Variants in MALRD1 observed in about 807,000 individuals in gnomAD.
MALRD1 encodes MAM and LDL receptor class A domain containing 1, also known as MAM and LDL-receptor class A domain-containing protein 1.
A neutral mutation model predicts 242.1 loss-of-function variants in MALRD1; 247 were observed. That is an observed-to-expected ratio of 1.02 (90% CI 0.92 to 1.13). MALRD1 has a LOEUF of 1.13. Among genes scored for constraint, MALRD1 ranks in the 50% most tolerant of loss-of-function variants. The pLI, the probability that MALRD1 is intolerant of heterozygous loss-of-function variation, is 0.00. For missense variants in MALRD1, 2,989 were observed against 2,533.1 expected, an observed-to-expected ratio of 1.18 and a Z score of -3.86; for synonymous variants, 995 against 866.6, an observed-to-expected ratio of 1.15 and a Z score of -2.60.
chr10:19,512,292 C>CT (rs1333774246), intron 31 of MALRD1, among the ~76,000 whole-genome samples: 1 of 152,136 alleles, frequency 6.6e-6, no homozygotes, highest in Non-Finnish European at 1.5e-5. Flanking sequence ...ACAGGAGATA[C>CT]AGGCAGCTCT....
chr10:19,498,483 A>G lies in MALRD1; in HGVS notation c.5159-2A>G, dbSNP rs946297068. The G allele has an allele frequency of 2.7e-5, 42 of 1,547,842 alleles. No homozygotes were observed. Among genetic ancestry groups the G allele is most frequent in the Non-Finnish European group, 8.7e-6 (10 of 1,145,088 alleles). ...ATTCCATTAATGTTTTTGCTTCCCC[A>G]GCACATTATACAAGCACAACAGGAA... On this transcript the variant is annotated splice_acceptor_variant, in intron 30 of 39. Coordinates refer to ENST00000454679, the MANE Select transcript of MALRD1 (RefSeq NM_001142308.3). LOFTEE classifies it high-confidence loss of function.
intron 36 of MALRD1, among the ~76,000 whole-genome samples, chr10:19,664,567 G>C (rs1479127258): frequency 2.0e-5 from 3 of 151,920 alleles, no homozygotes; most frequent in East Asian, 1.9e-4. Context: ...TAAGTTAAAG[G>C]CTTCACAGAA....
At chr10:19,278,874 TATA>T (rs1181645833) in intron 19 of MALRD1, among the ~76,000 whole-genome samples, 1 of 152,252 alleles carries the variant, frequency 6.6e-6, no homozygotes, top group East Asian at 1.9e-4. Context: ...AGCAAATTGA[TATA>T]ATAAGCAAAT....
intron 2 of MALRD1, among the ~76,000 whole-genome samples, chr10:19,079,563 T>C (rs1039547717): frequency 1.3e-4 from 20 of 151,982 alleles, no homozygotes; most frequent in Non-Finnish European, 2.2e-4. Flanking sequence ...GTTCTATTTA[T>C]TTTTGAAGGT....
At chr10:19,446,470 A>C (rs999610877) in intron 28 of MALRD1, among the ~76,000 whole-genome samples, 1 of 152,206 alleles carries the variant, frequency 6.6e-6, no homozygotes, top group African/African-American at 2.4e-5. Flanking sequence ...ATTTGGGAAA[A>C]AGTTGTATAT....
At chr10:19,693,891 G>C (rs1056150296) in intron 38 of MALRD1, among the ~76,000 whole-genome samples, 1 of 152,100 alleles carries the variant, frequency 6.6e-6, no homozygotes, top group Non-Finnish European at 1.5e-5. Flanking sequence ...TAGACGAATG[G>C]AACAGAACAG....
chr10:19,075,241 C>T (rs1290330235), intron 2 of MALRD1, among the ~76,000 whole-genome samples: 1 of 151,972 alleles, frequency 6.6e-6, no homozygotes, highest in Non-Finnish European at 1.5e-5. Flanking sequence ...AAATCTGCCC[C>T]CGTCCCCAAT....
At chr10:19,270,838 A>ACACACACG (rs1260066166) in intron 19 of MALRD1, among the ~76,000 whole-genome samples, 12 of 151,620 alleles carry the variant, frequency 7.9e-5, no homozygotes, top group South Asian at 2.1e-4. Flanking sequence ...ACACACACAC[A>ACACACACG]CACACGCACA....
intron 33 of MALRD1, among the ~76,000 whole-genome samples, chr10:19,573,897 T>A (rs954826967): frequency 2.0e-5 from 3 of 152,126 alleles, no homozygotes; most frequent in African/African-American, 7.2e-5. Context: ...TTATGGGCAC[T>A]TATTCCCCAC....
At chr10:19,430,461 A>C (rs1325645231) in intron 28 of MALRD1, among the ~76,000 whole-genome samples, 1 of 151,698 alleles carries the variant, frequency 6.6e-6, no homozygotes, top group African/African-American at 2.4e-5. Context: ...TCACCTTCCG[A>C]GGCCCATTTC....
At chr10:19,653,169 C>G (rs1353650563) in intron 36 of MALRD1, among the ~76,000 whole-genome samples, 3 of 152,050 alleles carry the variant, frequency 2.0e-5, no homozygotes, top group Non-Finnish European at 2.9e-5. Flanking sequence ...CAGTTTCCAT[C>G]TCTTGCTGAT....
At chr10:19,348,283 T>A (rs1380301105) in intron 25 of MALRD1, among the ~76,000 whole-genome samples, 1 of 107,908 alleles carries the variant, frequency 9.3e-6, no homozygotes, top group Non-Finnish European at 2.0e-5. Context: ...ATGGTTGTTA[T>A]TCACAACCAT....
chr10:19,066,906 C>T (rs537856084), intron 2 of MALRD1, 47 bp downstream of exon 2: 2 of 1,209,276 alleles, frequency 1.7e-6, no homozygotes, highest in Admixed American at 4.2e-5. Context: ...TTCCTCCTTT[C>T]CTTCCTTCCC....
At chr10:19,241,660 ATCTT>A (rs1407039267) in intron 18 of MALRD1, among the ~76,000 whole-genome samples, 1 of 151,798 alleles carries the variant, frequency 6.6e-6, no homozygotes, top group Non-Finnish European at 1.5e-5. Context: ...TGATTTGAAA[ATCTT>A]TCTTCTTTTT....
intron 14 of MALRD1, among the ~76,000 whole-genome samples, chr10:19,180,585 T>G (rs1358829758): frequency 6.6e-6 from 1 of 152,092 alleles, no homozygotes; most frequent in Non-Finnish European, 1.5e-5. Flanking sequence ...TGTAAGAAAG[T>G]CCTAAATTTA....
intron 31 of MALRD1, among the ~76,000 whole-genome samples, chr10:19,525,071 A>ATT (rs375129603): frequency 3.5e-5 from 5 of 140,926 alleles, no homozygotes; most frequent in African/African-American, 7.8e-5. Context: ...TGCCCAGCTA[A>ATT]TTTTTTTTTT....
intron 19 of MALRD1, among the ~76,000 whole-genome samples, chr10:19,261,446 TAA>T (rs531115191): frequency 6.7e-5 from 9 of 134,992 alleles, no homozygotes; most frequent in African/African-American, 1.4e-4. Context: ...GAGCTCTACG[TAA>T]AAAAAAAAAA....
intron 29 of MALRD1, among the ~76,000 whole-genome samples, chr10:19,463,000 C>T (rs1291573134): frequency 6.6e-6 from 1 of 151,946 alleles, no homozygotes; most frequent in Non-Finnish European, 1.5e-5. Context: ...ATGAATTAAC[C>T]AAAATTTAGT....
At chr10:19,669,196 T>A (rs527594816) in intron 36 of MALRD1, among the ~76,000 whole-genome samples, 1 of 152,350 alleles carries the variant, frequency 6.6e-6, no homozygotes, top group East Asian at 1.9e-4. Flanking sequence ...CTCTAGAAGC[T>A]AGAAGTTAAT....
Sources: gnomAD v4.1 joint callset for allele counts (sites outside exome capture counted in the v4.1 genomes callset) on GRCh38, gnomAD v4.1.1 for gene constraint, MANE v1.5 for transcripts, NCBI Gene and HGNC (gene_info 2026-07-23, HGNC 2026-07-21) for gene names.